The following HK2 variants were observed in gnomAD, a reference collection of about 807,000 sequenced individuals.
HK2 encodes hexokinase 2.
A neutral mutation model predicts 92.9 loss-of-function variants in HK2; 42 were observed. That is an observed-to-expected ratio of 0.45 (90% CI 0.35 to 0.58). The LOEUF is 0.58. Ranked by LOEUF, HK2 falls within the 20% of genes least tolerant of loss-of-function variation. HK2 has a pLI of 0.00. For missense variants in HK2, 978 were observed against 1,245.1 expected, an observed-to-expected ratio of 0.79 and a Z score of 3.23; for synonymous variants, 422 against 468.0, an observed-to-expected ratio of 0.90 and a Z score of 1.27.
At chr2:74,859,401 AG>A (rs1374653708) in intron 2 of HK2, among the ~76,000 whole-genome samples, 1 of 152,208 alleles carries the variant, frequency 6.6e-6, no homozygotes, top group African/African-American at 2.4e-5. Context: ...AAAAATAAAT[AG>A]AAGGCCGGGC....
intron 2 of HK2, among the ~76,000 whole-genome samples, chr2:74,867,404 A>T (rs1688980110): frequency 6.6e-6 from 1 of 152,190 alleles, no homozygotes; most frequent in Admixed American, 6.5e-5. Context: ...GGGATTAAAA[A>T]AAAAACAGCC....
At position 74,878,713 on chromosome 2, in the gene HK2, C is replaced by T. The variant is rs61748096; in HGVS notation, c.1057C>T (p.Arg353Cys). The T allele has an allele frequency of 3.2e-3, 5,206 of 1,606,678 alleles. 13 individuals are homozygous for T. Among genetic ancestry groups the T allele is most frequent in the Non-Finnish European group, 3.8e-3 (4,496 of 1,176,644 alleles). ...GGAGAAGGATGGCATCCGGAAGGCC[C>T]GTGAGGTCCTGATGCGGTTGGGCCT... ...EGEKDGIRKA[R>C]EVLMRLGLDP... The change falls in exon 9 of 18, where the codon CGT (arginine) becomes TGT (cysteine). Residue 353 changes from arginine to cysteine, a missense_variant. Coordinates refer to ENST00000290573, the MANE Select transcript of HK2 (RefSeq NM_000189.5).
chr2:74,890,434 T>C (rs1021593682), intron 17 of HK2, among the ~76,000 whole-genome samples: 2 of 152,122 alleles, frequency 1.3e-5, no homozygotes, highest in Non-Finnish European at 1.5e-5. Flanking sequence ...CCCTCCAGAG[T>C]TGTGCTCCTC....
chr2:74,877,115 G>T, intron 7 of HK2, 51 bp from the exon 8 acceptor site: 1 of 1,610,848 alleles, frequency 6.2e-7, no homozygotes, highest in South Asian at 1.1e-5. Flanking sequence ...GGGAAGCTAT[G>T]AGTACATGGG....
intron 2 of HK2, among the ~76,000 whole-genome samples, chr2:74,855,978 A>T (rs1416255718): frequency 6.6e-6 from 1 of 152,020 alleles, no homozygotes; most frequent in East Asian, 1.9e-4. Flanking sequence ...GAGGCCCATG[A>T]CGGGTGGTGG....
At chr2:74,857,805 A>T (rs1391423953) in intron 2 of HK2, among the ~76,000 whole-genome samples, 1 of 152,142 alleles carries the variant, frequency 6.6e-6, no homozygotes, top group Non-Finnish European at 1.5e-5. Context: ...AAAATTCTCT[A>T]TTGTCAGCAC....
At chr2:74,882,321 A>T (rs1689418159) in intron 12 of HK2, 82 bp downstream of exon 12, 2 of 1,602,572 alleles carry the variant, frequency 1.2e-6, no homozygotes, top group Non-Finnish European at 1.7e-6. Flanking sequence ...CAGGGGAGAA[A>T]GTTGAGCTAA....
At chr2:74,880,190 G>T in intron 9 of HK2, 75 bp from the exon 10 acceptor site, 6 of 1,526,892 alleles carry the variant, frequency 3.9e-6, no homozygotes, top group Non-Finnish European at 5.4e-6. Context: ...TAAGGCGGTG[G>T]GCAACTGTCT....
chr2:74,843,751 A>C (rs1015041116), intron 1 of HK2, among the ~76,000 whole-genome samples: 1 of 152,182 alleles, frequency 6.6e-6, no homozygotes, highest in African/African-American at 2.4e-5. Flanking sequence ...AAGCCAGATG[A>C]ACCATCTGAC....
chr2:74,873,956 C>G lies in HK2; in HGVS notation c.691+13C>G. The G allele has an allele frequency of 6.3e-7, 1 of 1,596,866 alleles. No individual in the cohort carries two copies. The highest frequency in any genetic ancestry group is 8.6e-7 in the Non-Finnish European group (1 of 1,164,534). ...GGTCTCATTGTGGGTGAGTGAACAC[C>G]GTGCATGAAGGGCCCGTGCTGGCCA... On this transcript the variant is annotated intron_variant, in intron 6 of 17. Coordinates refer to ENST00000290573, the MANE Select transcript of HK2 (RefSeq NM_000189.5).
intron 12 of HK2, among the ~76,000 whole-genome samples, chr2:74,883,379 A>G (rs1449409261): frequency 6.6e-6 from 1 of 152,134 alleles, no homozygotes; most frequent in Non-Finnish European, 1.5e-5. Flanking sequence ...TACCTGGGGG[A>G]TGTCAGGAGG....
intron 1 of HK2, among the ~76,000 whole-genome samples, chr2:74,845,794 C>A (rs1305237768): frequency 6.6e-6 from 1 of 152,238 alleles, no homozygotes. Flanking sequence ...TTACAGAATC[C>A]ATGTTCTGCT....
intron 1 of HK2, among the ~76,000 whole-genome samples, chr2:74,839,801 G>A (rs1254884043): frequency 6.6e-6 from 1 of 150,616 alleles, no homozygotes; most frequent in Non-Finnish European, 1.5e-5. Context: ...GGGACTACAG[G>A]TGCGCACCAC....
In HK2 at chr2:74,892,508, A is replaced by C. The variant is rs1468514387; in HGVS notation, c.*1567A>C. 2.0e-5 allele frequency: 3 copies of C among 152,156 alleles called. No homozygotes were observed. Among genetic ancestry groups the C allele is most frequent in the Non-Finnish European group, 4.4e-5 (3 of 68,034 alleles). 9.4% of individuals were successfully genotyped at this position (152,156 alleles called of 1,614,324 possible). A position where few individuals can be genotyped will look rare whatever the true frequency, so the allele number is the denominator to read the frequency against. Reference sequence around the variant, plus strand: ...CTATTGGGAGGGATGAGAGTGGCTTAAAAACTTCCATCCCTACTTTTCAAG... The same window carrying C: ...CTATTGGGAGGGATGAGAGTGGCTTCAAAACTTCCATCCCTACTTTTCAAG... On this transcript the variant is annotated 3_prime_UTR_variant, in exon 18 of 18. Transcript: ENST00000290573.
chr2:74,866,909 C>T lies in HK2; in HGVS notation c.227-727C>T, dbSNP rs35454195. Among the ~76,000 whole-genome samples the T allele has an allele frequency of 2.2e-3, 330 of 152,292 alleles. 2 individuals are homozygous for T. Among genetic ancestry groups the T allele is most frequent in the Admixed American group, 3.0e-3 (46 of 15,308 alleles). ...TGGTCTTGCTGCAGGACATGGCCCTCATAATATGCAAACATTAGAAAGTAA... is the reference window on the plus strand; with the variant it reads ...TGGTCTTGCTGCAGGACATGGCCCTTATAATATGCAAACATTAGAAAGTAA... On this transcript the variant is annotated intron_variant, in intron 2 of 17. Coordinates refer to ENST00000290573, the MANE Select transcript of HK2 (RefSeq NM_000189.5).
rs1446901489 is a variant in HK2, at chr2:74,840,417, T to G, written c.63+5774T>G. Among the ~76,000 whole-genome samples the G allele has an allele frequency of 2.6e-5, 4 of 152,114 alleles. No individual in the cohort carries two copies. The South Asian group carries it at 8.3e-4, about 32-fold the overall frequency. On this transcript the variant is annotated intron_variant, in intron 1 of 17. Coordinates refer to ENST00000290573, the MANE Select transcript of HK2 (RefSeq NM_000189.5). Reference sequence around the variant, plus strand: ...GGAGATCTGATGAACTGAAAGAACTTGGAGCCCCAGAAAACTGGCTTCCTT... The same window carrying G: ...GGAGATCTGATGAACTGAAAGAACTGGGAGCCCCAGAAAACTGGCTTCCTT...
At chr2:74,842,857 G>T (rs538345988) in intron 1 of HK2, among the ~76,000 whole-genome samples, 1 of 152,350 alleles carries the variant, frequency 6.6e-6, no homozygotes, top group East Asian at 1.9e-4. Context: ...TTGCGATGTC[G>T]CAGGAGACAC....
At chr2:74,883,501 C>G (rs28363040) in intron 12 of HK2, among the ~76,000 whole-genome samples, 2,198 of 152,260 alleles carry the variant, frequency 0.014, 51 homozygotes, top group African/African-American at 0.049. Flanking sequence ...TGGGCCAGCG[C>G]AGAAGAGCCT....
chr2:74,853,997 A>C (rs1055714306), intron 1 of HK2, among the ~76,000 whole-genome samples: 1 of 152,196 alleles, frequency 6.6e-6, no homozygotes, highest in African/African-American at 2.4e-5. Flanking sequence ...TGATGTTGTC[A>C]CAGGCCTTCC....
Sources: gnomAD v4.1 joint callset for allele counts (sites outside exome capture counted in the v4.1 genomes callset) on GRCh38, gnomAD v4.1.1 for gene constraint, MANE v1.5 for transcripts, NCBI Gene and HGNC (gene_info 2026-07-23, HGNC 2026-07-21) for gene names.